PODXL: variants seen among roughly 807,000 people sequenced by gnomAD.
PODXL encodes podocalyxin.
PODXL carries 20 observed loss-of-function variants against 48.9 expected under a neutral mutation model. That is an observed-to-expected ratio of 0.41 (90% CI 0.29 to 0.59). PODXL has a LOEUF of 0.59. Among genes scored for constraint, PODXL ranks in the 20% least tolerant of loss-of-function variants. PODXL has a pLI of 0.31. For synonymous variants in PODXL, 295 were observed against 287.4 expected (o/e 1.03, Z -0.27); for missense variants, 606 against 675.1 (o/e 0.90, Z 1.13).
At position 131,505,755 on chromosome 7, in the gene PODXL, G is replaced by A. The variant is rs920349927; in HGVS notation, c.1479+113C>T. On this transcript the variant is annotated intron_variant, in intron 8 of 8. Transcript: ENST00000378555. Reference sequence around the variant, plus strand: ...TATCAGGGGTGGCCTCTGCCTGTTAGAAAGGGTCCAGGGCCTGCTCCCTTT... The same window carrying A: ...TATCAGGGGTGGCCTCTGCCTGTTAAAAAGGGTCCAGGGCCTGCTCCCTTT... The A allele has an allele frequency of 5.6e-5, 60 of 1,072,382 alleles. 2 individuals carry two copies. Among genetic ancestry groups the A allele is most frequent in the Middle Eastern group, 3.1e-4 (1 of 3,248 alleles). The allele number at this position is 1,072,382 out of a possible 1,614,324, so 66.4% of individuals were successfully genotyped here.
chr7:131,536,375 G>T, intron 1 of PODXL, among the ~76,000 whole-genome samples: 1 of 152,152 alleles, frequency 6.6e-6, no homozygotes, highest in East Asian at 1.9e-4. Flanking sequence ...TACTGGTATT[G>T]CCACCCCTCA....
intron 1 of PODXL, among the ~76,000 whole-genome samples, chr7:131,542,879 C>T (rs551421761): frequency 1.3e-5 from 2 of 152,172 alleles, no homozygotes; most frequent in South Asian, 2.1e-4. Context: ...GATCCTGGTC[C>T]GAGGAGCTGT....
At chr7:131,506,190 A>AG in intron 7 of PODXL, 70 bp downstream of exon 7, 4 of 1,537,530 alleles carry the variant, frequency 2.6e-6, no homozygotes, top group Non-Finnish European at 3.6e-6. Context: ...CCACAGAGAG[A>AG]GGGGAGTAAC....
chr7:131,514,068 T>C (rs1797956210), intron 1 of PODXL, among the ~76,000 whole-genome samples: 1 of 152,166 alleles, frequency 6.6e-6, no homozygotes, highest in Admixed American at 6.5e-5. Flanking sequence ...GTGGCTTTGG[T>C]GTGGCCCAGT....
chr7:131,519,552 A>C (rs928155190), intron 1 of PODXL, among the ~76,000 whole-genome samples: 6 of 152,176 alleles, frequency 3.9e-5, no homozygotes, highest in Admixed American at 1.3e-4. Flanking sequence ...GTTTTTTTTA[A>C]ACAGGCTAAT....
At position 131,506,404 on chromosome 7, in the gene PODXL, G is replaced by A. The variant is rs1439335663; in HGVS notation, c.1250-83C>T. 2.9e-5 allele frequency: 43 copies of A among 1,492,772 alleles called. 1 individual carries two copies. The highest frequency in any genetic ancestry group is 2.3e-4 in the East Asian group (10 of 44,348). The allele number at this position is 1,492,772 out of a possible 1,614,324, so 92.5% of individuals were successfully genotyped here. On this transcript the variant is annotated intron_variant, in intron 6 of 8. Transcript: ENST00000378555. The stretch of plus-strand genomic sequence containing the variant: ...GGGGACTGCGCCCCAAGAGAGGGAC[G>A]CACCGTATCTCAGTCTCCTGAGTGT...
At chr7:131,547,374 CAA>C (rs10683140) in intron 1 of PODXL, among the ~76,000 whole-genome samples, 872 of 68,934 alleles carry the variant, frequency 0.013, 5 homozygotes, top group African/African-American at 0.015. Context: ...AACTCCGTCT[CAA>C]AAAAAAAAAA....
chr7:131,539,479 C>T (rs1798438694), intron 1 of PODXL, among the ~76,000 whole-genome samples: 1 of 152,080 alleles, frequency 6.6e-6, no homozygotes, highest in African/African-American at 2.4e-5. Context: ...TACAGGCACG[C>T]ACCACCACGC....
intron 5 of PODXL, 142 bp from the exon 6 acceptor site, chr7:131,506,868 A>C (rs947877715): frequency 4.9e-6 from 4 of 815,388 alleles, no homozygotes; most frequent in Non-Finnish European, 7.9e-6. Context: ...CTGGTGCTCC[A>C]CGCAGGCCTG....
intron 4 of PODXL, 156 bp from the exon 5 acceptor site, chr7:131,509,184 G>A: frequency 1.2e-6 from 1 of 826,642 alleles, no homozygotes; most frequent in East Asian, 2.6e-5. Flanking sequence ...TGGCTGCGTG[G>A]CTTGAGGGCA....
chr7:131,528,619 T>C (rs1257951227), intron 1 of PODXL, among the ~76,000 whole-genome samples: 1 of 152,226 alleles, frequency 6.6e-6, no homozygotes, highest in East Asian at 1.9e-4. Context: ...AAAATGTGAT[T>C]GTCAAGTAGT....
chr7:131,530,402 G>A (rs1011658218), intron 1 of PODXL, among the ~76,000 whole-genome samples: 19 of 152,178 alleles, frequency 1.2e-4, no homozygotes, highest in African/African-American at 4.1e-4. Context: ...TGTGAAGGAC[G>A]TGATGCTCCC....
chr7:131,556,193 A>G, intron 1 of PODXL, 67 bp downstream of exon 1: 1 of 1,372,438 alleles, frequency 7.3e-7, no homozygotes, highest in Non-Finnish European at 9.4e-7. Flanking sequence ...GCTTCCCTGC[A>G]GCTCGGCCGG....
At position 131,529,082 on chromosome 7, in the gene PODXL, G is replaced by A. The variant is rs1192444687; in HGVS notation, c.101-17649C>T. Among the ~76,000 whole-genome samples the A allele has an allele frequency of 1.1e-4, 11 of 100,424 alleles. No individual in the cohort carries two copies. The Admixed American group carries it at 1.4e-3, about 13-fold the overall frequency. 65.9% of individuals were successfully genotyped at this position (100,424 alleles called of 152,430 possible). A position where few individuals can be genotyped will look rare whatever the true frequency, so the allele number is the denominator to read the frequency against. On this transcript the variant is annotated intron_variant, in intron 1 of 8. Transcript: ENST00000378555. ...AACGGGAATGACCCAATGAAGTAGAGATGAGAAAATGTTGAGAAACAGAGG... is the reference window on the plus strand; with the variant it reads ...AACGGGAATGACCCAATGAAGTAGAAATGAGAAAATGTTGAGAAACAGAGG...
intron 1 of PODXL, among the ~76,000 whole-genome samples, chr7:131,513,703 G>A (rs1406801910): frequency 6.6e-6 from 1 of 152,202 alleles, no homozygotes; most frequent in Non-Finnish European, 1.5e-5. Flanking sequence ...ATCCTGGGCC[G>A]CAGCGCCACC....
intron 1 of PODXL, among the ~76,000 whole-genome samples, chr7:131,537,313 A>T (rs10270035): frequency 0.016 from 1,102 of 70,764 alleles, 6 homozygotes; most frequent in African/African-American, 0.025. Flanking sequence ...CTGTTTTTTT[A>T]AAAAAAAAAA....
At chr7:131,526,111 G>A (rs1370058254) in intron 1 of PODXL, among the ~76,000 whole-genome samples, 1 of 152,204 alleles carries the variant, frequency 6.6e-6, no homozygotes, top group Admixed American at 6.5e-5. Flanking sequence ...AATGAACCAA[G>A]GCTCCTTGGA....
At chr7:131,549,403 T>A (rs1798633874) in intron 1 of PODXL, among the ~76,000 whole-genome samples, 1 of 152,116 alleles carries the variant, frequency 6.6e-6, no homozygotes, top group Non-Finnish European at 1.5e-5. Context: ...ATCAGTGTGT[T>A]GGGAGTAGGT....
chr7:131,521,100 A>G (rs1453238589), intron 1 of PODXL, among the ~76,000 whole-genome samples: 1 of 151,088 alleles, frequency 6.6e-6, no homozygotes, highest in Non-Finnish European at 1.5e-5. Flanking sequence ...CCCAGGAGGC[A>G]GAGACTACAC....
Sources: gnomAD v4.1 joint callset for allele counts (sites outside exome capture counted in the v4.1 genomes callset) on GRCh38, gnomAD v4.1.1 for gene constraint, MANE v1.5 for transcripts, NCBI Gene and HGNC (gene_info 2026-07-23, HGNC 2026-07-21) for gene names.